Variants in CSMD2 observed in about 807,000 individuals in gnomAD.
CSMD2 encodes the protein CUB and Sushi multiple domains 2.
CSMD2 carries 130 observed loss-of-function variants against 398.5 expected under a neutral mutation model. That is an observed-to-expected ratio of 0.33 (90% confidence interval 0.28 to 0.38). The LOEUF (loss-of-function observed/expected upper bound fraction) is 0.38. CSMD2 is among the 10% of genes least tolerant of loss of function. The pLI is 1.00. For missense variants in CSMD2, 3,829 were observed against 4,764.9 expected (o/e 0.80, Z 5.78); for synonymous variants, 1,828 against 1,908.5 (o/e 0.96, Z 1.10).
chr1:33,623,272 T>C, intron 36 of CSMD2, 98 bp downstream of exon 36: 1 of 855,626 alleles, frequency 1.2e-6, no homozygotes, highest in East Asian at 2.5e-5. Context: ...TCATGGAATA[T>C]AAGTGATATC....
intron 15 of CSMD2, among the ~76,000 whole-genome samples, chr1:33,738,020 T>G (rs571984799): frequency 6.6e-6 from 1 of 152,184 alleles, no homozygotes; most frequent in African/African-American, 2.4e-5. Context: ...CCACCTGGAC[T>G]GCTTGCCACC....
At chr1:33,821,156 C>T (rs1658099274) in intron 7 of CSMD2, among the ~76,000 whole-genome samples, 1 of 152,170 alleles carries the variant, frequency 6.6e-6, no homozygotes, top group African/African-American at 2.4e-5. Flanking sequence ...GCATCCCCTA[C>T]CCAGTGCCAC....
At position 33,709,142 on chromosome 1, in the gene CSMD2, C is replaced by T; in HGVS notation, c.3523G>A (p.Gly1175Arg). 1 of 1,614,098 alleles carries T rather than the reference C, an allele frequency of 6.2e-7. No homozygotes were observed. Among genetic ancestry groups the T allele is most frequent in the Non-Finnish European group, 8.5e-7 (1 of 1,180,008 alleles). ...IYSIQTQPGK[G>R]IQLKARAFEL... Reference sequence around the variant, plus strand: ...AATGCCCTGGCTTTCAGCTGAATTCCCTTCCCTGGCTGGGTCTGGATGGAG... The same window carrying T: ...AATGCCCTGGCTTTCAGCTGAATTCTCTTCCCTGGCTGGGTCTGGATGGAG... Residue 1175 changes from glycine (G) to arginine (R), a missense_variant, in exon 22 of 71, where the codon GGA becomes AGA. Transcript: ENST00000373381.
intron 42 of CSMD2, among the ~76,000 whole-genome samples, chr1:33,603,351 C>T (rs993751656): frequency 6.6e-6 from 1 of 152,138 alleles, no homozygotes; most frequent in Non-Finnish European, 1.5e-5. Flanking sequence ...GAATCAGTCA[C>T]CATGGAGGAA....
In CSMD2 at chr1:33,820,560, CA is replaced by C; in HGVS notation, c.1112-5del. 1 of 442,586 alleles carries C rather than the reference CA, an allele frequency of 2.3e-6. No individual in the cohort carries two copies. Among genetic ancestry groups the C allele is most frequent in the Non-Finnish European group, 3.6e-6 (1 of 274,554 alleles). 27.4% of individuals were successfully genotyped at this position (442,586 alleles called of 1,614,324 possible). ...TGGGACACACCAACCTGAGTTACTA[CA>C]AGGCAAAAAAAAAAAAAAAAAAAAA... On this transcript the variant is annotated splice_region_variant and splice_polypyrimidine_tract_variant and intron_variant, in intron 7 of 70. Transcript: ENST00000373381.
chr1:33,678,410 G>A (rs1644793291), intron 25 of CSMD2, among the ~76,000 whole-genome samples: 1 of 151,994 alleles, frequency 6.6e-6, no homozygotes, highest in Admixed American at 6.6e-5. Context: ...TTCTGACTGG[G>A]CCCCAGAATA....
intron 52 of CSMD2, among the ~76,000 whole-genome samples, chr1:33,568,103 C>G (rs1047761416): frequency 6.6e-6 from 1 of 151,516 alleles, no homozygotes; most frequent in African/African-American, 2.4e-5. Context: ...CCCACTTTTT[C>G]TTACCAACCA....
chr1:33,791,867 T>G (rs373262534), intron 11 of CSMD2, among the ~76,000 whole-genome samples: 2 of 152,168 alleles, frequency 1.3e-5, no homozygotes, highest in African/African-American at 4.8e-5. Flanking sequence ...AGACTCAACA[T>G]AGCAGAATCC....
intron 60 of CSMD2, among the ~76,000 whole-genome samples, chr1:33,539,559 C>A (rs181061837): frequency 1.1e-3 from 163 of 152,278 alleles, no homozygotes; most frequent in Non-Finnish European, 1.4e-3. Context: ...ACTATCTATT[C>A]AAAAATGCAC....
At chr1:34,148,061 T>C (rs994661438) in intron 1 of CSMD2, among the ~76,000 whole-genome samples, 1 of 152,262 alleles carries the variant, frequency 6.6e-6, no homozygotes, top group African/African-American at 2.4e-5. Context: ...AGGCACAGCA[T>C]TGGGTAAGAT....
Position 33,856,768 on chromosome 1 carries a change from T to C in CSMD2, c.921-9772A>G, listed in dbSNP as rs553492702. Among the ~76,000 whole-genome samples, 3 of 152,108 alleles carry C rather than the reference T, an allele frequency of 2.0e-5. No individual in the cohort carries two copies. The East Asian group carries it at 5.8e-4, about 30-fold the overall frequency. On this transcript the variant is annotated intron_variant, in intron 5 of 70. Coordinates refer to ENST00000373381, the MANE Select transcript of CSMD2 (RefSeq NM_001281956.2). ...CTAAACATCTCACACACACTAAGGC[T>C]AGTGAGCAAGTGGTCCTAGAGTCCC...
chr1:33,839,704 C>G (rs1660657462), intron 6 of CSMD2: 4 of 152,188 alleles, frequency 2.6e-5, no homozygotes. Context: ...AAAACAGAGT[C>G]AGATACACTG....
At chr1:34,030,105 A>G (rs1303738639) in intron 3 of CSMD2, among the ~76,000 whole-genome samples, 3 of 152,228 alleles carry the variant, frequency 2.0e-5, no homozygotes, top group Admixed American at 6.5e-5. Flanking sequence ...AATATTCTGT[A>G]TCTGGGCTGT....
intron 3 of CSMD2, among the ~76,000 whole-genome samples, chr1:34,022,290 A>G (rs567417696): frequency 1.4e-4 from 21 of 152,158 alleles, no homozygotes; most frequent in Non-Finnish European, 3.1e-4. Context: ...CTTCCCTACA[A>G]CAATCCCATG....
intron 4 of CSMD2, among the ~76,000 whole-genome samples, chr1:33,923,314 T>C (rs1294657030): frequency 6.6e-6 from 1 of 152,004 alleles, no homozygotes; most frequent in African/African-American, 2.4e-5. Context: ...CGAGAGCTGA[T>C]TGTTTAAAAT....
intron 29 of CSMD2, among the ~76,000 whole-genome samples, chr1:33,641,571 C>T (rs143855610): frequency 1.1e-4 from 17 of 152,186 alleles, no homozygotes; most frequent in African/African-American, 3.9e-4. Context: ...AGGATGAATT[C>T]AGAATAGAAG....
intron 5 of CSMD2, 55 bp from the exon 6 acceptor site, chr1:33,847,051 T>C: frequency 8.3e-7 from 1 of 1,208,534 alleles, no homozygotes. Context: ...GGTATAGGTG[T>C]ATGAGCATTC....
intron 25 of CSMD2, among the ~76,000 whole-genome samples, chr1:33,688,586 A>G (rs967207740): frequency 5.3e-5 from 8 of 152,160 alleles, no homozygotes; most frequent in Admixed American, 4.6e-4. Flanking sequence ...GCACTTTGGG[A>G]GGCTGAGGCA....
rs1172787777 is a variant in CSMD2, at chr1:33,707,695, G to GCGCACA, written c.3576+1393_3576+1394insTGTGCG. Among the ~76,000 whole-genome samples the GCGCACA allele has an allele frequency of 4.7e-3, 428 of 92,034 alleles. 3 individuals carry two copies. The highest frequency in any genetic ancestry group is 8.9e-3 in the Admixed American group (95 of 10,730). The allele number at this position is 92,034 out of a possible 152,430, so 60.4% of individuals were successfully genotyped here. A position where few individuals can be genotyped will look rare whatever the true frequency, so the allele number is the denominator to read the frequency against. ...CGCACGCGTGCACACGCGCGCGCGCGCACACACACACACACACACACACAC... is the reference window on the plus strand; with the variant it reads ...CGCACGCGTGCACACGCGCGCGCGCGCGCACACACACACACACACACACACACACAC... On this transcript the variant is annotated intron_variant, in intron 22 of 70. Coordinates refer to ENST00000373381, the MANE Select transcript of CSMD2 (RefSeq NM_001281956.2).
Sources: allele counts gnomAD v4.1 joint callset (sites outside exome capture counted in the v4.1 genomes callset), GRCh38; gene constraint gnomAD v4.1.1; transcripts MANE v1.5; gene names NCBI Gene and HGNC (gene_info 2026-07-23, HGNC 2026-07-21).